The following PCBD2 variants were observed in gnomAD, a reference collection of about 807,000 sequenced individuals.
PCBD2 encodes pterin-4 alpha-carbinolamine dehydratase 2.
PCBD2 carries 12 observed loss-of-function variants against 16.4 expected under a neutral mutation model. The observed-to-expected ratio is 0.73, with a 90% confidence interval of 0.47 to 1.19. The LOEUF (loss-of-function observed/expected upper bound fraction) is 1.19. PCBD2 is among the 50% of genes most tolerant of loss of function. The pLI is 0.00. For synonymous variants in PCBD2, 58 were observed against 61.8 expected (o/e 0.94, Z 0.29); for missense variants, 138 against 156.8 (o/e 0.88, Z 0.64).
At chr5:134,932,260 C>G (rs1227075900) in intron 2 of PCBD2, among the ~76,000 whole-genome samples, 1 of 152,044 alleles carries the variant, frequency 6.6e-6, no homozygotes, top group Non-Finnish European at 1.5e-5. Flanking sequence ...TTACTGTAGC[C>G]TCAAATTACT....
chr5:134,940,510 C>T (rs73284714), intron 2 of PCBD2, among the ~76,000 whole-genome samples: 1 of 151,882 alleles, frequency 6.6e-6, no homozygotes, highest in African/African-American at 2.4e-5. Flanking sequence ...TCTCAGAACA[C>T]CAGGGTAGGA....
At chr5:134,952,575 G>T (rs1432635885) in intron 2 of PCBD2, among the ~76,000 whole-genome samples, 1 of 152,066 alleles carries the variant, frequency 6.6e-6, no homozygotes, top group African/African-American at 2.4e-5. Flanking sequence ...AGGCTGAGGT[G>T]GGAAGATTAC....
intron 2 of PCBD2, chr5:134,925,889 G>T: frequency 2.5e-6 from 1 of 393,284 alleles, no homozygotes; most frequent in South Asian, 1.3e-4. Context: ...TTGGAGTGTA[G>T]GAGAAATCAT....
In PCBD2 at chr5:134,962,072, T is replaced by TTGTGTGTGTGTGTG. The variant is rs58911694; in HGVS notation, c.*1413_*1426dup. Among the ~76,000 whole-genome samples the TTGTGTGTGTGTGTG allele has an allele frequency of 9.5e-3, 1,333 of 140,554 alleles. 10 individuals carry two copies. Among genetic ancestry groups the TTGTGTGTGTGTGTG allele is most frequent in the African/African-American group, 0.014 (517 of 37,040 alleles). 92.2% of individuals were successfully genotyped at this position (140,554 alleles called of 152,430 possible). On this transcript the variant is annotated 3_prime_UTR_variant, in exon 4 of 4. Coordinates refer to ENST00000254908, the MANE Select transcript of PCBD2 (RefSeq NM_032151.5). ...CATTGCCCCCAGCCAGTATAACAGT[T>TTGTGTGTGTGTGTG]TGTGTGTGTGTGTGTGTGTGTGTGT...
chr5:134,920,116 T>G (rs1750885029), intron 2 of PCBD2, among the ~76,000 whole-genome samples: 1 of 152,206 alleles, frequency 6.6e-6, no homozygotes, highest in African/African-American at 2.4e-5. Flanking sequence ...GCTCTTTTTC[T>G]TACATCCTTT....
chr5:134,955,402 G>T (rs1361549275), intron 2 of PCBD2, among the ~76,000 whole-genome samples: 12 of 151,006 alleles, frequency 7.9e-5, no homozygotes, highest in Non-Finnish European at 1.2e-4. Flanking sequence ...CTGCCTCCTG[G>T]GTTCAAGTGA....
chr5:134,941,438 T>A (rs1486032285), intron 2 of PCBD2, among the ~76,000 whole-genome samples: 4 of 152,234 alleles, frequency 2.6e-5, no homozygotes, highest in Admixed American at 1.3e-4. Context: ...TCCCCAAGTA[T>A]AGAATTGCTC....
At chr5:134,954,957 G>C (rs955344874) in intron 2 of PCBD2, among the ~76,000 whole-genome samples, 1 of 151,906 alleles carries the variant, frequency 6.6e-6, no homozygotes, top group Non-Finnish European at 1.5e-5. Context: ...GGCCAGGCTG[G>C]TCTCTAACTC....
intron 2 of PCBD2, among the ~76,000 whole-genome samples, chr5:134,920,044 G>A (rs1396994293): frequency 1.3e-5 from 2 of 152,166 alleles, no homozygotes; most frequent in African/African-American, 2.4e-5. Flanking sequence ...GGAGGGATTC[G>A]GTCCAGCGGT....
intron 2 of PCBD2, among the ~76,000 whole-genome samples, chr5:134,947,362 G>A (rs530635761): frequency 2.0e-5 from 3 of 150,974 alleles, no homozygotes; most frequent in Admixed American, 6.6e-5. Flanking sequence ...CAAAGTGCTG[G>A]GGTTACAGCC....
chr5:134,906,055 G>A (rs967650585), intron 1 of PCBD2, among the ~76,000 whole-genome samples: 90 of 151,450 alleles, frequency 5.9e-4, no homozygotes, highest in African/African-American at 2.1e-3. Context: ...TATATTTTTA[G>A]TAGAGAGGGG....
At chr5:134,925,390 C>T (rs371507651) in intron 2 of PCBD2, 10 of 398,254 alleles carry the variant, frequency 2.5e-5, no homozygotes, top group East Asian at 7.1e-5. Flanking sequence ...TCCTATTTTT[C>T]GAATATCTTG....
chr5:134,917,984 A>G (rs1750853379), intron 2 of PCBD2, among the ~76,000 whole-genome samples: 1 of 152,234 alleles, frequency 6.6e-6, no homozygotes, highest in South Asian at 2.1e-4. Context: ...GAAGAAAGAC[A>G]ACTGCTGATG....
chr5:134,953,160 A>T (rs1001364749), intron 2 of PCBD2, among the ~76,000 whole-genome samples: 1 of 151,806 alleles, frequency 6.6e-6, no homozygotes, highest in Admixed American at 6.6e-5. Context: ...TATTGATTGC[A>T]CAGATGAGTT....
rs769864072 is a variant in PCBD2 at position 134,959,165 on chromosome 5, T to A, written c.297+45T>A. On this transcript the variant is annotated intron_variant, in intron 3 of 3. Coordinates refer to ENST00000254908, the MANE Select transcript of PCBD2 (RefSeq NM_032151.5). ...TGGGAATCACCTTAATTATGGAGTT[T>A]AAGAAACTTCTTTCTTCCTTGTCAT... The A allele has an allele frequency of 2.9e-6, 4 of 1,390,616 alleles. No individual in the cohort carries two copies. The Admixed American group carries it at 7.3e-5, about 25-fold the overall frequency. 86.1% of individuals were successfully genotyped at this position (1,390,616 alleles called of 1,614,324 possible).
At chr5:134,911,214 T>A (rs1750765086) in intron 2 of PCBD2, among the ~76,000 whole-genome samples, 1 of 152,212 alleles carries the variant, frequency 6.6e-6, no homozygotes, top group South Asian at 2.1e-4. Flanking sequence ...GCAGTTAAAT[T>A]TCTATCTCTC....
intron 1 of PCBD2, 89 bp from the exon 2 acceptor site, chr5:134,910,246 T>C (rs1750751156): frequency 2.8e-6 from 4 of 1,410,826 alleles, no homozygotes; most frequent in Admixed American, 4.2e-5. Flanking sequence ...TTTCAGACTT[T>C]TCTACATCTC....
intron 2 of PCBD2, among the ~76,000 whole-genome samples, chr5:134,947,569 A>C (rs1751311390): frequency 6.6e-6 from 1 of 151,656 alleles, no homozygotes; most frequent in Non-Finnish European, 1.5e-5. Flanking sequence ...TTGTATTTTT[A>C]GTAGAGACAG....
Position 134,925,617 on chromosome 5 carries a change from G to A in PCBD2, c.216+15151G>A, listed in dbSNP as rs1031179530. ...CTGCTGCGAACAGAGTGGTGATAGCGCCTAGGCATAGTGTGAGAGTTTGGA... is the reference window on the plus strand; with the variant it reads ...CTGCTGCGAACAGAGTGGTGATAGCACCTAGGCATAGTGTGAGAGTTTGGA... On this transcript the variant is annotated intron_variant, in intron 2 of 3. Coordinates refer to ENST00000254908, the MANE Select transcript of PCBD2 (RefSeq NM_032151.5). The A allele has an allele frequency of 1.2e-4, 49 of 397,628 alleles. 1 individual carries two copies. The highest frequency in any genetic ancestry group is 8.2e-4 in the African/African-American group (40 of 48,572). The allele number at this position is 397,628 out of a possible 1,614,324, so 24.6% of individuals were successfully genotyped here.
Sources: gnomAD v4.1 joint callset for allele counts (sites outside exome capture counted in the v4.1 genomes callset) on GRCh38, gnomAD v4.1.1 for gene constraint, MANE v1.5 for transcripts, NCBI Gene and HGNC (gene_info 2026-07-23, HGNC 2026-07-21) for gene names.